The following PHF3 variants were observed in gnomAD, a reference collection of about 807,000 sequenced individuals.
PHF3 encodes the protein PHD finger protein 3.
A neutral mutation model predicts 178.4 loss-of-function variants in PHF3; 41 were observed. That is an observed-to-expected ratio of 0.23 (90% CI 0.18 to 0.30). The LOEUF is 0.30. PHF3 is among the 10% of genes least tolerant of loss of function. The pLI, the probability that PHF3 is intolerant of heterozygous loss-of-function variation, is 1.00. For synonymous variants in PHF3, 842 were observed against 800.5 expected (o/e 1.05, Z -0.88); for missense variants, 2,346 against 2,398.1 (o/e 0.98, Z 0.45).
rs1402016882 is a variant in PHF3, at chr6:63,713,107, T to G, written c.5519T>G (p.Leu1840Arg). Reference protein sequence around the residue: ...GFPPHLPPPLLPPPGFGFAQN... With the variant: ...GFPPHLPPPLRPPPGFGFAQN... ...CCACCACATTTGCCACCTCCATTAC[T>G]TCCCCCTCCAGGCTTTGGCTTTGCT... Residue 1840 changes from leucine (L) to arginine (R), a missense_variant, in exon 16 of 16, where the codon CTT (leucine) becomes CGT (arginine). Coordinates refer to ENST00000262043, the MANE Select transcript of PHF3 (RefSeq NM_001370348.2). 1 of 1,613,982 alleles carries G rather than the reference T, an allele frequency of 6.2e-7. No homozygotes were observed. The highest frequency in any genetic ancestry group is 1.7e-5 in the Admixed American group (1 of 59,998).
Position 63,685,280 on chromosome 6 carries a change from A to G in PHF3, c.1558A>G (p.Lys520Glu). The change falls in exon 4 of 16, where the codon AAA (lysine) becomes GAA (glutamate). Residue 520 changes from lysine (K) to glutamate (E), a missense_variant. Physicochemically the swap from Lys to Glu is moderately conservative, Grantham distance 56. Coordinates refer to ENST00000262043, the MANE Select transcript of PHF3 (RefSeq NM_001370348.2). ...VAAKYEVIHS[K>E]TKVNVKSVKR... is the part of the protein sequence containing the mutation. ...AGCAAAGTATGAAGTAATACATAGC[A>G]AAACTAAAGTTAATGTCAAAAGTGT... is the stretch of plus-strand genomic sequence containing the variant. 3 of 1,614,134 alleles carry G rather than the reference A, an allele frequency of 1.9e-6. No individual in the cohort carries two copies. The highest frequency in any genetic ancestry group is 2.5e-6 in the Non-Finnish European group (3 of 1,180,014).
Position 63,713,884 on chromosome 6 carries a change from T to G in PHF3, c.*176T>G. ...GAGTGCTCTGTACCAGTGCTCATCA[T>G]CCCTTCTTCATACCAACGGTCCCTA... On this transcript the variant is annotated 3_prime_UTR_variant, in exon 16 of 16. Transcript: ENST00000262043. 2.2e-6 allele frequency: 1 copy of G among 459,300 alleles called. No homozygotes were observed. The highest frequency in any genetic ancestry group is 3.8e-6 in the Non-Finnish European group (1 of 262,662). 28.5% of individuals were successfully genotyped at this position (459,300 alleles called of 1,614,324 possible).
chr6:63,643,548 C>T (rs1202923336), intron 1 of PHF3, among the ~76,000 whole-genome samples: 1 of 152,188 alleles, frequency 6.6e-6, no homozygotes, highest in Non-Finnish European at 1.5e-5. Flanking sequence ...CGCTTTATTA[C>T]TATGTTCTTA....
intron 3 of PHF3, among the ~76,000 whole-genome samples, chr6:63,682,088 C>G (rs188098419): frequency 2.0e-5 from 3 of 152,246 alleles, no homozygotes; most frequent in Admixed American, 2.0e-4. Context: ...TACAGCCAGT[C>G]TCAACTGTGC....
intron 13 of PHF3, among the ~76,000 whole-genome samples, chr6:63,707,184 A>G (rs1767731287): frequency 6.6e-6 from 1 of 152,236 alleles, no homozygotes; most frequent in Non-Finnish European, 1.5e-5. Flanking sequence ...ACACACTTAA[A>G]TAAAAGATTT....
rs766901746 is a variant in PHF3 at position 63,723,055 on chromosome 6, AG to A, written c.*9348del. On this transcript the variant is annotated 3_prime_UTR_variant, in exon 16 of 16. Transcript: ENST00000262043. Reference sequence around the variant, plus strand: ...CCAAAACGGTATCTGGCCCATAAATAGATGCTAAATAATTATTAAATAAAGA... The same window carrying A: ...CCAAAACGGTATCTGGCCCATAAATAATGCTAAATAATTATTAAATAAAGA... Among the ~76,000 whole-genome samples the A allele has an allele frequency of 1.4e-4, 22 of 152,220 alleles. No homozygotes were observed. The highest frequency in any genetic ancestry group is 5.1e-4 in the African/African-American group (21 of 41,454).
rs1191042620 is a variant in PHF3 at position 63,718,384 on chromosome 6, T to C, written c.*4676T>C. Among the ~76,000 whole-genome samples, 1 of 152,048 alleles carries C rather than the reference T, an allele frequency of 6.6e-6. No homozygotes were observed. The highest frequency in any genetic ancestry group is 1.5e-5 in the Non-Finnish European group (1 of 67,944). On this transcript the variant is annotated 3_prime_UTR_variant, in exon 16 of 16. Coordinates refer to ENST00000262043, the MANE Select transcript of PHF3 (RefSeq NM_001370348.2). ...AAAATTGAGAATGTCAAAGCTTTTGTTTATATGGCTTATATCATTATTTAG... is the reference window on the plus strand; with the variant it reads ...AAAATTGAGAATGTCAAAGCTTTTGCTTATATGGCTTATATCATTATTTAG...
At chr6:63,645,346 A>AT (rs1405277228) in intron 1 of PHF3, among the ~76,000 whole-genome samples, 1 of 152,108 alleles carries the variant, frequency 6.6e-6, no homozygotes, top group Non-Finnish European at 1.5e-5. Flanking sequence ...ATTCAAGTGC[A>AT]TTTTTTTAAA....
intron 2 of PHF3, among the ~76,000 whole-genome samples, chr6:63,653,039 TCTG>T (rs1765084841): frequency 6.6e-6 from 1 of 150,868 alleles, no homozygotes; most frequent in Non-Finnish European, 1.5e-5. Flanking sequence ...TTTTTGTGGT[TCTG>T]TGTATTTTTT....
chr6:63,653,507 GAAATGCTGCTGACTT>G (rs1345460729), intron 2 of PHF3, among the ~76,000 whole-genome samples: 2 of 152,008 alleles, frequency 1.3e-5, no homozygotes, highest in African/African-American at 4.8e-5. Context: ...TTGGTATATA[GAAATGCTGCTGACTT>G]TTGTATGTTT....
intron 6 of PHF3, 102 bp from the exon 7 acceptor site, chr6:63,698,121 T>C: frequency 1.1e-6 from 1 of 913,514 alleles, no homozygotes; most frequent in Non-Finnish European, 1.6e-6. Flanking sequence ...ATCTTATTTC[T>C]AAATAGTGAC....
Position 63,683,902 on chromosome 6 carries a change from T to C in PHF3, c.407-227T>C, listed in dbSNP as rs536436911. Among the ~76,000 whole-genome samples, 18 of 152,118 alleles carry C rather than the reference T, an allele frequency of 1.2e-4. 1 individual carries two copies. The East Asian group carries it at 1.5e-3, about 13-fold the overall frequency. The stretch of plus-strand genomic sequence containing the variant: ...TTAGTCTGAATTTTTTAGAGGCTTT[T>C]CCCCCTGCTAGAATTCAGAGAACTT... On this transcript the variant is annotated intron_variant, in intron 3 of 15. Coordinates refer to ENST00000262043, the MANE Select transcript of PHF3 (RefSeq NM_001370348.2).
chr6:63,642,957 A>G (rs1764638539), intron 1 of PHF3, among the ~76,000 whole-genome samples: 1 of 152,112 alleles, frequency 6.6e-6, no homozygotes, highest in Non-Finnish European at 1.5e-5. Context: ...TTTATAGAAA[A>G]GTTGCAAAGG....
chr6:63,646,536 A>G lies in PHF3; in HGVS notation c.-16A>G, dbSNP rs1764791554. On this transcript the variant is annotated 5_prime_UTR_variant, in exon 2 of 16. Coordinates refer to ENST00000262043, the MANE Select transcript of PHF3 (RefSeq NM_001370348.2). ...TTTTGTCTTTCTATAGGGCTGAAAG[A>G]CACACAGAAGTCTTCATGGATATAG... The G allele has an allele frequency of 3.1e-6, 5 of 1,600,342 alleles. No individual in the cohort carries two copies. The highest frequency in any genetic ancestry group is 3.4e-5 in the Admixed American group (2 of 58,938).
In PHF3 at chr6:63,685,085, G is replaced by C; in HGVS notation, c.1363G>C (p.Glu455Gln). The part of the protein sequence containing the change: ...DQNSKQLNAI[E>Q]STKIESHETA... ...AAATTCAAAACAGTTGAATGCTATA[G>C]AAAGTACTAAAATAGAGTCCCATGA... The change falls in exon 4 of 16, where the codon GAA (glutamate) becomes CAA (glutamine). Residue 455 changes from glutamate to glutamine, a missense_variant. Physicochemically the swap from Glu to Gln is conservative, Grantham distance 29. Coordinates refer to ENST00000262043, the MANE Select transcript of PHF3 (RefSeq NM_001370348.2). 1 of 1,613,966 alleles carries C rather than the reference G, an allele frequency of 6.2e-7. No homozygotes were observed.
intron 4 of PHF3, among the ~76,000 whole-genome samples, chr6:63,686,921 G>C (rs898288432): frequency 3.3e-5 from 5 of 152,150 alleles, no homozygotes; most frequent in African/African-American, 1.2e-4. Context: ...GGGGAGATCG[G>C]AAAGGAGATG....
At chr6:63,710,329 AGTT>A (rs1004224949) in intron 14 of PHF3, among the ~76,000 whole-genome samples, 20 of 152,318 alleles carry the variant, frequency 1.3e-4, no homozygotes, top group African/African-American at 4.8e-4. Flanking sequence ...ACTCTGTAAT[AGTT>A]GTTACTAACA....
At position 63,706,138 on chromosome 6, in the gene PHF3, A is replaced by G. The variant is rs143852440; in HGVS notation, c.3477A>G (p.Leu1159=). Residue 1159 remains leucine, a synonymous_variant, in exon 12 of 16, where the codon TTA becomes TTG. Coordinates refer to ENST00000262043, the MANE Select transcript of PHF3 (RefSeq NM_001370348.2). The part of the protein sequence containing the change: ...DNEAESIADA[L]SSTSNILASE... ...AAGCAGAAAGTATAGCAGATGCATT[A>G]TCTTCAACCTCAAATATTTTGGCTT... is the stretch of plus-strand genomic sequence containing the variant. 6.2e-7 allele frequency: 1 copy of G among 1,614,028 alleles called. No individual in the cohort carries two copies. Among genetic ancestry groups the G allele is most frequent in the African/African-American group, 1.3e-5 (1 of 75,070 alleles).
At chr6:63,674,581 A>C (rs1766084113) in intron 2 of PHF3, among the ~76,000 whole-genome samples, 1 of 152,008 alleles carries the variant, frequency 6.6e-6, no homozygotes, top group Non-Finnish European at 1.5e-5. Context: ...AAGAACTCTT[A>C]CCAACGGGTG....
Sources: allele counts gnomAD v4.1 joint callset (sites outside exome capture counted in the v4.1 genomes callset), GRCh38; gene constraint gnomAD v4.1.1; transcripts MANE v1.5; gene names NCBI Gene and HGNC (gene_info 2026-07-23, HGNC 2026-07-21).